The following PCDHA7 variants were observed in gnomAD, a reference collection of about 807,000 sequenced individuals.
PCDHA7 encodes the protein protocadherin alpha 7, also known as protocadherin alpha-7.
A neutral mutation model predicts 57.2 loss-of-function variants in PCDHA7; 37 were observed. The ratio of observed to expected loss-of-function variants is 0.65; its 90% CI spans 0.50 to 0.85. PCDHA7 has a LOEUF of 0.85. PCDHA7 is among the 40% of genes least tolerant of loss of function. The pLI is 0.00. For missense variants in PCDHA7, 1,188 were observed against 1,241.8 expected, an observed-to-expected ratio of 0.96 and a Z score of 0.65; for synonymous variants, 553 against 558.8, an observed-to-expected ratio of 0.99 and a Z score of 0.15.
At position 140,856,860 on chromosome 5, in the gene PCDHA7, G is replaced by A; in HGVS notation, c.2355+20122G>A. 1.3e-6 allele frequency: 2 copies of A among 1,594,690 alleles called. 1 individual carries two copies. On this transcript the variant is annotated intron_variant, in intron 1 of 3. Transcript: ENST00000525929. ...CTCAACGCTTCTGATTCGGATGAAGGAATAAACAAGGAAATGATGTATTCA... is the reference window on the plus strand; with the variant it reads ...CTCAACGCTTCTGATTCGGATGAAGAAATAAACAAGGAAATGATGTATTCA...
intron 1 of PCDHA7, chr5:140,860,531 T>C (rs1488177116): frequency 1.3e-5 from 2 of 152,156 alleles, no homozygotes; most frequent in Non-Finnish European, 2.9e-5. Flanking sequence ...AATTCTGATT[T>C]GTAAGACAAA....
chr5:140,896,008 T>C (rs1231092307), intron 1 of PCDHA7, among the ~76,000 whole-genome samples: 4 of 152,082 alleles, frequency 2.6e-5, no homozygotes, highest in Non-Finnish European at 4.4e-5. Flanking sequence ...ACAGGGTTTC[T>C]CCATGTTGGC....
At position 140,944,281 on chromosome 5, in the gene PCDHA7, G is replaced by A. The variant is rs987563636; in HGVS notation, c.2356-34668G>A. ...CTGCTCACTGCAGCCTTGACACCCC[G>A]GGCTCAAGCGATCCTCCTACCTCAG... On this transcript the variant is annotated intron_variant, in intron 1 of 3. Coordinates refer to ENST00000525929, the MANE Select transcript of PCDHA7 (RefSeq NM_018910.3). Among the ~76,000 whole-genome samples, 18 of 152,138 alleles carry A rather than the reference G, an allele frequency of 1.2e-4. No individual in the cohort carries two copies. The Middle Eastern group carries it at 0.014, about 115-fold the overall frequency.
chr5:140,952,072 A>G (rs1433517410), intron 1 of PCDHA7, among the ~76,000 whole-genome samples: 1 of 152,112 alleles, frequency 6.6e-6, no homozygotes, highest in Non-Finnish European at 1.5e-5. Context: ...AATAATCTTC[A>G]TTGACTCCAT....
intron 1 of PCDHA7, chr5:140,966,789 C>G (rs782194817): frequency 6.5e-7 from 1 of 1,528,572 alleles, no homozygotes; most frequent in East Asian, 2.4e-5. Context: ...GGCACCAGAC[C>G]TGCGGCGACA....
In PCDHA7 at chr5:140,856,431, A is replaced by G. The variant is rs782173275; in HGVS notation, c.2355+19693A>G. 21 of 1,597,862 alleles carry G rather than the reference A, an allele frequency of 1.3e-5. 4 individuals are homozygous for G. In the South Asian group the frequency reaches 2.2e-4, roughly 17 times the overall value. On this transcript the variant is annotated intron_variant, in intron 1 of 3. Transcript: ENST00000525929. ...GTGGAAGTGAAGGACATTAACGACA[A>G]CCCGCCCAGGTTCTCCGTAACAGAA...
chr5:140,848,473 T>C lies in PCDHA7; in HGVS notation c.2355+11735T>C, dbSNP rs2150410947. 9.6e-6 allele frequency: 15 copies of C among 1,556,324 alleles called. No individual in the cohort carries two copies. In the East Asian group the frequency reaches 3.4e-4, roughly 35 times the overall value. On this transcript the variant is annotated intron_variant, in intron 1 of 3. Transcript: ENST00000525929. ...TAATTTGGAGGCAATTTTCACTAATTAGAAGAAGACTGAGTATTTGAAATG... is the reference window on the plus strand; with the variant it reads ...TAATTTGGAGGCAATTTTCACTAATCAGAAGAAGACTGAGTATTTGAAATG...
In PCDHA7 at chr5:140,993,460, T is replaced by TCCCA. The variant is rs1554253699; in HGVS notation, c.2503+10898_2503+10899insCCAC. On this transcript the variant is annotated intron_variant, in intron 3 of 3. Transcript: ENST00000525929. Reference sequence around the variant, plus strand: ...TTCATTCCTGTTCTCCTTCTTTCTTTCTCACACACACACACACACACACAC... The same window carrying TCCCA: ...TTCATTCCTGTTCTCCTTCTTTCTTTCCCACTCACACACACACACACACACACAC... Among the ~76,000 whole-genome samples, 30 of 104,506 alleles carry TCCCA rather than the reference T, an allele frequency of 2.9e-4. 1 individual carries two copies. The highest frequency in any genetic ancestry group is 1.1e-3 in the African/African-American group (29 of 25,484). The allele number at this position is 104,506 out of a possible 152,430, so 68.6% of individuals were successfully genotyped here.
chr5:140,863,445 C>A, intron 1 of PCDHA7: 1 of 582,886 alleles, frequency 1.7e-6, no homozygotes, highest in South Asian at 1.4e-5. Flanking sequence ...GTCTTACTCG[C>A]AGCAAAGGAG....
intron 1 of PCDHA7, chr5:140,850,726 CG>C: frequency 6.3e-7 from 1 of 1,597,804 alleles, no homozygotes; most frequent in Non-Finnish European, 8.6e-7. Context: ...TGTTCTAGCG[CG>C]GTGGGGAGTT....
intron 1 of PCDHA7, among the ~76,000 whole-genome samples, chr5:140,946,637 G>T: frequency 1.5e-5 from 1 of 64,620 alleles, no homozygotes; most frequent in African/African-American, 1.0e-4. Flanking sequence ...TATATACAAT[G>T]GAATACTCAT....
intron 1 of PCDHA7, chr5:140,856,597 C>T: frequency 6.3e-7 from 1 of 1,597,412 alleles, no homozygotes; most frequent in East Asian, 2.2e-5. Context: ...ATATTATAAA[C>T]AAAAAAGACA....
chr5:140,985,900 C>A (rs896937826), intron 3 of PCDHA7, among the ~76,000 whole-genome samples: 2 of 151,872 alleles, frequency 1.3e-5, no homozygotes, highest in Non-Finnish European at 2.9e-5. Context: ...CCACCACTCC[C>A]GTCTAATTTT....
chr5:140,956,878 A>G (rs890203275), intron 1 of PCDHA7, among the ~76,000 whole-genome samples: 4 of 152,188 alleles, frequency 2.6e-5, no homozygotes, highest in Admixed American at 2.6e-4. Context: ...GAAAAGTTAG[A>G]TATCAATGAA....
chr5:140,878,927 A>G (rs1176306554), intron 1 of PCDHA7, among the ~76,000 whole-genome samples: 1 of 152,216 alleles, frequency 6.6e-6, no homozygotes, highest in African/African-American at 2.4e-5. Context: ...TCAATCAATA[A>G]TTTTAAATAA....
intron 1 of PCDHA7, among the ~76,000 whole-genome samples, chr5:140,937,039 CTTTT>C (rs34994034): frequency 1.4e-5 from 2 of 140,156 alleles, no homozygotes; most frequent in African/African-American, 2.6e-5. Flanking sequence ...TTCCATTTAT[CTTTT>C]TTTTTTTTTT....
chr5:140,905,019 A>C (rs1000367022), intron 1 of PCDHA7, among the ~76,000 whole-genome samples: 23 of 152,044 alleles, frequency 1.5e-4, no homozygotes, highest in African/African-American at 5.6e-4. Context: ...ATTCTTTTCT[A>C]TGCAGAAGCT....
chr5:140,873,161 C>T (rs946054760), intron 1 of PCDHA7, among the ~76,000 whole-genome samples: 11 of 152,012 alleles, frequency 7.2e-5, no homozygotes, highest in South Asian at 4.2e-4. Context: ...GACTTTAGAT[C>T]GAGAGCTTTT....
chr5:140,880,920 A>G (rs1189539222), intron 1 of PCDHA7, among the ~76,000 whole-genome samples: 1 of 152,228 alleles, frequency 6.6e-6, no homozygotes, highest in Non-Finnish European at 1.5e-5. Flanking sequence ...GAGAAATACT[A>G]TGTTAGTAAA....
Sources: allele counts gnomAD v4.1 joint callset (sites outside exome capture counted in the v4.1 genomes callset), GRCh38; gene constraint gnomAD v4.1.1; transcripts MANE v1.5; gene names NCBI Gene and HGNC (gene_info 2026-07-23, HGNC 2026-07-21).